DNAH9: variants seen among roughly 807,000 people sequenced by gnomAD.
The protein encoded by DNAH9 is DNAH9 variant protein.
DNAH9 carries 345 observed loss-of-function variants against 471.6 expected under a neutral mutation model. The observed-to-expected ratio is 0.73, with a 90% CI of 0.67 to 0.80. The LOEUF (loss-of-function observed/expected upper bound fraction) is 0.80, where lower values mean the gene tolerates loss of function less well. Among genes scored for constraint, DNAH9 ranks in the 30% least tolerant of loss-of-function variants. DNAH9 has a pLI of 0.00. For synonymous variants in DNAH9, 2,093 were observed against 2,123.6 expected, an observed-to-expected ratio of 0.99 and a Z score of 0.40; for missense variants, 5,407 against 5,609.2, an observed-to-expected ratio of 0.96 and a Z score of 1.15.
intron 29 of DNAH9, among the ~76,000 whole-genome samples, chr17:11,741,765 A>G (rs62061840): frequency 0.032 from 4,844 of 152,322 alleles, 121 homozygotes; most frequent in Non-Finnish European, 0.049. Context: ...AGTTTGTTGT[A>G]GATACCCAGA....
chr17:11,659,951 C>T (rs1195839323), intron 14 of DNAH9, among the ~76,000 whole-genome samples: 3 of 152,194 alleles, frequency 2.0e-5, no homozygotes, highest in Non-Finnish European at 4.4e-5. Flanking sequence ...TGTAGTGCTG[C>T]ATCCTTTTTC....
intron 6 of DNAH9, among the ~76,000 whole-genome samples, chr17:11,622,396 G>A (rs553905035): frequency 4.3e-4 from 66 of 152,248 alleles, no homozygotes; most frequent in Admixed American, 3.5e-3. Flanking sequence ...CATCATGGTT[G>A]ATGTACAGCC....
At chr17:11,858,237 T>C (rs980926550) in intron 50 of DNAH9, among the ~76,000 whole-genome samples, 3 of 152,202 alleles carry the variant, frequency 2.0e-5, no homozygotes, top group Non-Finnish European at 2.9e-5. Context: ...AAATATCAAA[T>C]AGTAGAGAAA....
intron 38 of DNAH9, among the ~76,000 whole-genome samples, chr17:11,771,757 T>A (rs1373988734): frequency 6.6e-6 from 1 of 152,192 alleles, no homozygotes; most frequent in Non-Finnish European, 1.5e-5. Flanking sequence ...TTACCTCAAT[T>A]CTTACTACTG....
chr17:11,611,700 G>C lies in DNAH9; in HGVS notation c.824G>C (p.Arg275Thr). Residue 275 changes from arginine (R) to threonine (T), a missense_variant, in exon 4 of 69, where the codon AGG becomes ACG. By Grantham distance (71) the Arg-to-Thr change is moderately conservative (BLOSUM62 -1). Coordinates refer to ENST00000262442, the MANE Select transcript of DNAH9 (RefSeq NM_001372.4). The part of the protein sequence containing the change: ...IYNQLRTITV[R>T]GMAKLLDKLQ... Reference sequence around the variant, plus strand: ...AATCAACTGAGAACAATAACGGTGAGGGGCATGGCCAAGCTCCTGGACAAG... The same window carrying C: ...AATCAACTGAGAACAATAACGGTGACGGGCATGGCCAAGCTCCTGGACAAG... The C allele has an allele frequency of 6.2e-7, 1 of 1,613,934 alleles. No homozygotes were observed. Among genetic ancestry groups the C allele is most frequent in the African/African-American group, 1.3e-5 (1 of 75,052 alleles).
At position 11,870,129 on chromosome 17, in the gene DNAH9, G is replaced by C. The variant is rs543797737; in HGVS notation, c.10053+876G>C. Among the ~76,000 whole-genome samples, 13 of 152,316 alleles carry C rather than the reference G, an allele frequency of 8.5e-5. No homozygotes were observed. In the South Asian group the frequency reaches 2.7e-3, roughly 32 times the overall value. ...ACAAGTGTCCCAAGAGGCAGGAAGT[G>C]GAAAGTCCCAGTATCTGAAGGCCTG... is the stretch of plus-strand genomic sequence containing the variant. On this transcript the variant is annotated intron_variant, in intron 51 of 68. Coordinates refer to ENST00000262442, the MANE Select transcript of DNAH9 (RefSeq NM_001372.4).
chr17:11,699,036 A>G (rs547198710), intron 22 of DNAH9, among the ~76,000 whole-genome samples: 13 of 152,148 alleles, frequency 8.5e-5, no homozygotes, highest in African/African-American at 1.2e-4. Flanking sequence ...GGATCACGAG[A>G]TCAGGAGTTC....
chr17:11,860,173 T>A (rs1286568759), intron 50 of DNAH9, among the ~76,000 whole-genome samples: 1 of 152,252 alleles, frequency 6.6e-6, no homozygotes, highest in East Asian at 1.9e-4. Context: ...ATAACAGATC[T>A]AGAATTACAT....
At chr17:11,804,336 A>T (rs369518155) in intron 43 of DNAH9, among the ~76,000 whole-genome samples, 1 of 152,226 alleles carries the variant, frequency 6.6e-6, no homozygotes, top group African/African-American at 2.4e-5. Context: ...AAGACCTAAA[A>T]ATATTTGTAT....
chr17:11,965,504 G>T (rs1433405116), intron 68 of DNAH9, among the ~76,000 whole-genome samples: 1 of 152,174 alleles, frequency 6.6e-6, no homozygotes, highest in African/African-American at 2.4e-5. Context: ...AATATGATTT[G>T]CAGAGTGGCC....
chr17:11,781,991 G>GA lies in DNAH9; in HGVS notation c.7718+830dup, dbSNP rs35521342. ...AATGGCAAAAGTCTGAACTTACTAG[G>GA]AAAAAAAAAAAAAGCAAGTCACTGA... On this transcript the variant is annotated intron_variant, in intron 39 of 68. Transcript: ENST00000262442. 2.5e-3 allele frequency among the ~76,000 whole-genome samples: 355 copies of GA among 141,308 alleles called. 1 individual carries two copies. The highest frequency in any genetic ancestry group is 7.5e-3 in the Middle Eastern group (2 of 268). 92.7% of individuals were successfully genotyped at this position (141,308 alleles called of 152,430 possible).
chr17:11,883,548 G>T, intron 55 of DNAH9, 38 bp from the exon 56 acceptor site: 1 of 1,609,120 alleles, frequency 6.2e-7, no homozygotes, highest in Non-Finnish European at 8.5e-7. Flanking sequence ...GATGCCCTGG[G>T]CATCTGCACC....
chr17:11,766,202 T>C (rs1967928588), intron 36 of DNAH9, among the ~76,000 whole-genome samples: 1 of 151,466 alleles, frequency 6.6e-6, no homozygotes, highest in African/African-American at 2.4e-5. Context: ...TTGGTCAAAA[T>C]ATTCACATCA....
intron 4 of DNAH9, chr17:11,612,665 G>C (rs1403140887): frequency 1.3e-5 from 2 of 152,184 alleles, no homozygotes; most frequent in Non-Finnish European, 2.9e-5. Context: ...ATTAGAAGTA[G>C]GTAAATTTTT....
chr17:11,828,164 G>C (rs1970567481), intron 48 of DNAH9, among the ~76,000 whole-genome samples: 1 of 152,110 alleles, frequency 6.6e-6, no homozygotes, highest in African/African-American at 2.4e-5. Flanking sequence ...TGAGCAGCCA[G>C]AGTGGTCAAT....
At chr17:11,861,343 AG>A (rs1470556572) in intron 50 of DNAH9, among the ~76,000 whole-genome samples, 86 of 151,654 alleles carry the variant, frequency 5.7e-4, no homozygotes, top group Non-Finnish European at 1.2e-4. Flanking sequence ...GTCCCTACAA[AG>A]GACATGAACT....
intron 42 of DNAH9, among the ~76,000 whole-genome samples, chr17:11,795,860 C>CCAA (rs557090328): frequency 1.3e-5 from 2 of 152,146 alleles, no homozygotes; most frequent in African/African-American, 4.8e-5. Context: ...TTATCCTTCC[C>CCAA]CAACAACATT....
chr17:11,905,026 G>T (rs1036203383), intron 60 of DNAH9, among the ~76,000 whole-genome samples: 2 of 152,026 alleles, frequency 1.3e-5, no homozygotes, highest in Admixed American at 6.6e-5. Flanking sequence ...AAGGTCAGGA[G>T]ATCGAGACCA....
chr17:11,705,288 G>C, intron 26 of DNAH9, 103 bp downstream of exon 26: 1 of 1,010,582 alleles, frequency 9.9e-7, no homozygotes, highest in Non-Finnish European at 1.5e-6. Flanking sequence ...TTTGTCCATA[G>C]AGCTACAGGG....
Sources: allele counts gnomAD v4.1 joint callset (sites outside exome capture counted in the v4.1 genomes callset), GRCh38; gene constraint gnomAD v4.1.1; transcripts MANE v1.5; gene names NCBI Gene and HGNC (gene_info 2026-07-23, HGNC 2026-07-21).